PLCB4: variants seen among roughly 807,000 people sequenced by gnomAD.
PLCB4 encodes the protein phospholipase C beta 4.
PLCB4 carries 77 observed loss-of-function variants against 178.8 expected under a neutral mutation model. The observed-to-expected ratio is 0.43, with a 90% CI of 0.36 to 0.52. PLCB4 has a LOEUF of 0.52. PLCB4 is among the 20% of genes least tolerant of loss of function. The pLI, the probability that PLCB4 is intolerant of heterozygous loss-of-function variation, is 0.00. For synonymous variants in PLCB4, 496 were observed against 490.8 expected (o/e 1.01, Z -0.14); for missense variants, 1,024 against 1,453.4 (o/e 0.70, Z 4.80).
intron 3 of PLCB4, among the ~76,000 whole-genome samples, chr20:9,223,794 G>A (rs985323416): frequency 3.2e-4 from 48 of 152,224 alleles, no homozygotes; most frequent in African/African-American, 8.4e-4. Context: ...CCCAAGACCC[G>A]CAGTAGATGC....
intron 3 of PLCB4, among the ~76,000 whole-genome samples, chr20:9,248,631 CA>C (rs1300798430): frequency 2.0e-5 from 3 of 152,144 alleles, no homozygotes; most frequent in Non-Finnish European, 4.4e-5. Flanking sequence ...TTTTCTGTTT[CA>C]TTGAGTGGAA....
At chr20:9,133,298 C>T (rs992111366) in intron 2 of PLCB4, among the ~76,000 whole-genome samples, 6 of 152,170 alleles carry the variant, frequency 3.9e-5, no homozygotes, top group South Asian at 2.1e-4. Flanking sequence ...GATGGTCTCT[C>T]GCTCTGTCAC....
At chr20:9,284,272 T>C (rs968022863) in intron 3 of PLCB4, among the ~76,000 whole-genome samples, 18 of 152,056 alleles carry the variant, frequency 1.2e-4, no homozygotes, top group African/African-American at 4.3e-4. Context: ...GCCATGCCGA[T>C]ATTTAGGGAA....
chr20:9,235,370 C>G (rs969306573), intron 3 of PLCB4, among the ~76,000 whole-genome samples: 2 of 152,180 alleles, frequency 1.3e-5, no homozygotes, highest in Non-Finnish European at 2.9e-5. Context: ...GTTGACCTCA[C>G]CTGTGCTCCT....
chr20:9,387,098 T>C (rs779268744), intron 14 of PLCB4, among the ~76,000 whole-genome samples: 14 of 151,996 alleles, frequency 9.2e-5, no homozygotes, highest in Non-Finnish European at 2.1e-4. Flanking sequence ...GGTTTCACCA[T>C]GTTGGCCAGG....
intron 4 of PLCB4, among the ~76,000 whole-genome samples, chr20:9,316,260 G>T (rs1476275824): frequency 6.6e-6 from 1 of 152,108 alleles, no homozygotes; most frequent in Non-Finnish European, 1.5e-5. Flanking sequence ...GAAACTCCAG[G>T]AACTGGCCCA....
intron 9 of PLCB4, among the ~76,000 whole-genome samples, chr20:9,369,544 T>C (rs1402221739): frequency 6.6e-6 from 1 of 152,172 alleles, no homozygotes; most frequent in Non-Finnish European, 1.5e-5. Flanking sequence ...ACATATTCTC[T>C]CCCATATTTG....
intron 28 of PLCB4, among the ~76,000 whole-genome samples, chr20:9,430,600 A>T (rs2041329104): frequency 6.6e-6 from 1 of 152,220 alleles, no homozygotes; most frequent in South Asian, 2.1e-4. Flanking sequence ...TTAAGTAATG[A>T]TATTTATCCA....
intron 2 of PLCB4, among the ~76,000 whole-genome samples, chr20:9,187,884 G>A (rs1344595803): frequency 6.6e-6 from 1 of 152,142 alleles, no homozygotes; most frequent in African/African-American, 2.4e-5. Context: ...AAGGCATTTT[G>A]CGTTCATTTG....
chr20:9,441,274 G>A (rs529461747), intron 30 of PLCB4, among the ~76,000 whole-genome samples: 2 of 152,252 alleles, frequency 1.3e-5, no homozygotes, highest in East Asian at 3.9e-4. Context: ...TTAGGAGAAT[G>A]GCATGGAAGT....
intron 4 of PLCB4, among the ~76,000 whole-genome samples, chr20:9,321,958 T>C (rs1037612322): frequency 6.6e-6 from 1 of 150,714 alleles, no homozygotes; most frequent in East Asian, 1.9e-4. Context: ...TTTTCTTTTT[T>C]TTTTTTTGAT....
chr20:9,423,087 C>A (rs2040757204), intron 27 of PLCB4, among the ~76,000 whole-genome samples: 2 of 152,138 alleles, frequency 1.3e-5, no homozygotes, highest in Non-Finnish European at 2.9e-5. Context: ...TTCATTTATT[C>A]CGTTTGGGGA....
At chr20:9,216,042 C>T (rs990201746) in intron 2 of PLCB4, among the ~76,000 whole-genome samples, 1 of 152,196 alleles carries the variant, frequency 6.6e-6, no homozygotes, top group African/African-American at 2.4e-5. Context: ...TATTAAAGGA[C>T]TGTGCTGTAG....
chr20:9,112,256 CTTTT>C (rs924027156), intron 2 of PLCB4, among the ~76,000 whole-genome samples: 2 of 137,168 alleles, frequency 1.5e-5, no homozygotes, highest in Non-Finnish European at 1.6e-5. Flanking sequence ...ATACCCTACT[CTTTT>C]TTTTTTTTTT....
chr20:9,243,623 G>T, intron 3 of PLCB4, among the ~76,000 whole-genome samples: 1 of 152,308 alleles, frequency 6.6e-6, no homozygotes, highest in South Asian at 2.1e-4. Context: ...TTTGAAAAGC[G>T]CATAGCCTTT....
chr20:9,132,266 T>G (rs1257878495), intron 2 of PLCB4, among the ~76,000 whole-genome samples: 1 of 150,446 alleles, frequency 6.6e-6, no homozygotes, highest in Non-Finnish European at 1.5e-5. Flanking sequence ...AAGAGCATAG[T>G]CAGCAAGGGC....
intron 2 of PLCB4, among the ~76,000 whole-genome samples, chr20:9,201,794 A>C (rs1218400516): frequency 2.6e-5 from 4 of 152,206 alleles, no homozygotes; most frequent in Non-Finnish European, 5.9e-5. Flanking sequence ...TGGGAATGCA[A>C]AATGGTGCCA....
At chr20:9,099,417 T>C (rs972967928) in intron 2 of PLCB4, among the ~76,000 whole-genome samples, 3 of 152,208 alleles carry the variant, frequency 2.0e-5, no homozygotes, top group Admixed American at 6.5e-5. Context: ...TATTCTTCAG[T>C]ACGAAAGCTA....
At chr20:9,415,643 C>T (rs144064879) in intron 25 of PLCB4, among the ~76,000 whole-genome samples, 1 of 152,308 alleles carries the variant, frequency 6.6e-6, no homozygotes, top group Admixed American at 6.5e-5. Flanking sequence ...GTGCCTACCG[C>T]ACAGACCTAG....
Sources: allele counts gnomAD v4.1 joint callset (sites outside exome capture counted in the v4.1 genomes callset), GRCh38; gene constraint gnomAD v4.1.1; transcripts MANE v1.5; gene names NCBI Gene and HGNC (gene_info 2026-07-23, HGNC 2026-07-21).